Variants in FDFT1 observed in about 807,000 individuals in gnomAD.
FDFT1 encodes the protein squalene synthase.
Under a neutral mutation model 46.8 loss-of-function variants are expected in FDFT1, and 68 were observed. That is an observed-to-expected ratio of 1.45 (90% CI 1.19 to 1.78). The LOEUF is 1.78. Among genes scored for constraint, FDFT1 ranks in the 40% most tolerant of loss-of-function variants. The pLI, the probability that FDFT1 is intolerant of heterozygous loss-of-function variation, is 0.00. For missense variants in FDFT1, 928 were observed against 524.4 expected, an observed-to-expected ratio of 1.77 and a Z score of -7.52; for synonymous variants, 351 against 185.1, an observed-to-expected ratio of 1.90 and a Z score of -7.28.
intron 5 of FDFT1, among the ~76,000 whole-genome samples, chr8:11,828,872 A>C (rs932124071): frequency 6.6e-6 from 1 of 152,156 alleles, no homozygotes; most frequent in African/African-American, 2.4e-5. Context: ...GTATTATTCC[A>C]CTGTGTGGAT....
At chr8:11,809,354 C>T (rs1485830892) in intron 2 of FDFT1, 51 of 1,115,934 alleles carry the variant, frequency 4.6e-5, no homozygotes, top group Non-Finnish European at 5.6e-5. Context: ...CTATTTGCTA[C>T]ATATTAGTTC....
intron 7 of FDFT1, among the ~76,000 whole-genome samples, chr8:11,834,836 T>C (rs1221543770): frequency 1.3e-5 from 2 of 152,168 alleles, no homozygotes; most frequent in Non-Finnish European, 2.9e-5. Flanking sequence ...TGTCATTTAA[T>C]CATCAAGCCT....
intron 5 of FDFT1, among the ~76,000 whole-genome samples, chr8:11,829,054 G>A (rs1004359135): frequency 2.6e-5 from 4 of 152,160 alleles, no homozygotes; most frequent in East Asian, 3.8e-4. Context: ...ACAGCAGCTC[G>A]AACCTTGTGA....
At position 11,838,488 on chromosome 8, in the gene FDFT1, C is replaced by T. The variant is rs146112670; in HGVS notation, c.1133C>T (p.Ser378Phe). 3.1e-6 allele frequency: 5 copies of T among 1,605,934 alleles called. No homozygotes were observed. Among genetic ancestry groups the T allele is most frequent in the African/African-American group, 1.3e-5 (1 of 74,874 alleles). Residue 378 changes from serine to phenylalanine, a missense_variant, in exon 8 of 8, where the codon TCC becomes TTC. Physicochemically the swap from Ser to Phe is radical, Grantham distance 155 (BLOSUM62 -2). Coordinates refer to ENST00000220584, the MANE Select transcript of FDFT1 (RefSeq NM_004462.5). ...TQNLPNCQLI[S>F]RSHYSPIYLS... ...AATCTTCCCAACTGTCAGCTGATTTCCCGAAGCCACTACTCCCCCATCTAC... is the reference window on the plus strand; with the variant it reads ...AATCTTCCCAACTGTCAGCTGATTTTCCGAAGCCACTACTCCCCCATCTAC...
intron 3 of FDFT1, among the ~76,000 whole-genome samples, chr8:11,813,805 G>A (rs549679578): frequency 1.8e-4 from 28 of 152,244 alleles, no homozygotes; most frequent in Non-Finnish European, 2.8e-4. Context: ...ACCTGGAAGC[G>A]GAAAAAGCCC....
upstream of FDFT1, among the ~76,000 whole-genome samples, chr8:11,798,569 C>A (rs1805798653): frequency 6.6e-6 from 1 of 152,210 alleles, no homozygotes; most frequent in Admixed American, 6.5e-5. Flanking sequence ...AGGGCGTTAT[C>A]AATGACACCT....
rs1006197151 is a variant in FDFT1 at position 11,812,382 on chromosome 8, T to C, written c.381+2532T>C. 7.9e-5 allele frequency among the ~76,000 whole-genome samples: 12 copies of C among 152,148 alleles called. No individual in the cohort carries two copies. In the East Asian group the frequency reaches 9.6e-4, roughly 12 times the overall value. ...CCAAGGGCTGTGTTGGGGAGTGTTG[T>C]GGATGGATCCTGGCACCGAGGGCTG... On this transcript the variant is annotated intron_variant, in intron 3 of 7. Transcript: ENST00000220584.
intron 1 of FDFT1, among the ~76,000 whole-genome samples, chr8:11,796,280 C>T (rs550503027): frequency 3.3e-5 from 5 of 152,192 alleles, no homozygotes; most frequent in African/African-American, 9.7e-5. Context: ...GTGTTCTGAG[C>T]TTTCTAGGAC....
chr8:11,826,354 G>C, intron 5 of FDFT1, 139 bp downstream of exon 5: 2 of 585,278 alleles, frequency 3.4e-6, no homozygotes, highest in Non-Finnish European at 5.8e-6. Flanking sequence ...AAATAGGATA[G>C]CTTGACATGA....
At chr8:11,803,004 G>T in intron 1 of FDFT1, 73 bp downstream of exon 1, 1 of 1,534,182 alleles carries the variant, frequency 6.5e-7, no homozygotes. Context: ...CTGAGCGGCC[G>T]GGCCCGGATC....
chr8:11,824,097 A>G (rs1409535512), intron 4 of FDFT1, among the ~76,000 whole-genome samples: 1 of 152,156 alleles, frequency 6.6e-6, no homozygotes, highest in Non-Finnish European at 1.5e-5. Context: ...TCTTGGGCTC[A>G]AGCAGTCCCC....
chr8:11,805,437 A>T (rs768378057), intron 1 of FDFT1, among the ~76,000 whole-genome samples: 1 of 152,212 alleles, frequency 6.6e-6, no homozygotes. Flanking sequence ...GGCTGTTAGT[A>T]ATCAGGCAGA....
At chr8:11,800,805 G>C (rs1806038065), upstream of FDFT1, among the ~76,000 whole-genome samples, 1 of 152,216 alleles carries the variant, frequency 6.6e-6, no homozygotes, top group Non-Finnish European at 1.5e-5. Flanking sequence ...GGGGAGGAAA[G>C]TCTTTGAAGA....
chr8:11,836,023 G>C (rs1811494201), intron 7 of FDFT1, among the ~76,000 whole-genome samples: 2 of 149,196 alleles, frequency 1.3e-5, no homozygotes, highest in Admixed American at 6.7e-5. Flanking sequence ...CATGGTGGCA[G>C]GTGCCTGTAA....
At chr8:11,804,957 A>G (rs990418508) in intron 1 of FDFT1, among the ~76,000 whole-genome samples, 14 of 135,324 alleles carry the variant, frequency 1.0e-4, no homozygotes, top group African/African-American at 3.4e-4. Flanking sequence ...CGTCCAGGCT[A>G]GAATGCTGTG....
In FDFT1 at chr8:11,802,772, G is replaced by T; in HGVS notation, c.-61G>T. 7.3e-7 allele frequency: 1 copy of T among 1,371,518 alleles called. No homozygotes were observed. Among genetic ancestry groups the T allele is most frequent in the Admixed American group, 1.9e-5 (1 of 52,184 alleles). 85.0% of individuals were successfully genotyped at this position (1,371,518 alleles called of 1,614,324 possible). A position where few individuals can be genotyped will look rare whatever the true frequency, so the allele number is the denominator to read the frequency against. On this transcript the variant is annotated 5_prime_UTR_variant, in exon 1 of 8. Coordinates refer to ENST00000220584, the MANE Select transcript of FDFT1 (RefSeq NM_004462.5). ...CCTACTCCACAGGTCCAGCCGGCCG[G>T]TGAGCGCCTGGGGACCGCAGAGGTG...
intron 5 of FDFT1, among the ~76,000 whole-genome samples, chr8:11,827,895 C>CA (rs370249841): frequency 0.041 from 5,564 of 137,118 alleles, 148 homozygotes; most frequent in Non-Finnish European, 0.059. Flanking sequence ...CAAAACAAAA[C>CA]AAAACAAAAA....
In FDFT1 at chr8:11,797,027, G is replaced by C. The variant is rs574901226; in HGVS notation, c.-94+1016G>C. ...TAAAGGACAGTTTCTGAAGACATCT[G>C]TAGGAAAAGGGTAGTAACTTCTGGG... On this transcript the variant is annotated intron_variant, in intron 1 of 7. Transcript: ENST00000538689. 1.3e-4 allele frequency among the ~76,000 whole-genome samples: 20 copies of C among 152,360 alleles called. No homozygotes were observed. In the South Asian group the frequency reaches 3.5e-3, roughly 27 times the overall value.
chr8:11,820,493 G>A (rs1003908333), intron 3 of FDFT1, among the ~76,000 whole-genome samples: 5 of 150,584 alleles, frequency 3.3e-5, no homozygotes, highest in African/African-American at 7.4e-5. Context: ...GCTGAGCTGC[G>A]GTGGGCTCCA....
Sources: allele counts gnomAD v4.1 joint callset (sites outside exome capture counted in the v4.1 genomes callset), GRCh38; gene constraint gnomAD v4.1.1; transcripts MANE v1.5; gene names NCBI Gene and HGNC (gene_info 2026-07-23, HGNC 2026-07-21).